CLEC16A: variants seen among roughly 807,000 people sequenced by gnomAD.
The protein encoded by CLEC16A is C-type lectin domain containing 16A, also known as protein CLEC16A.
A neutral mutation model predicts 109.5 loss-of-function variants in CLEC16A; 51 were observed. That is an observed-to-expected ratio of 0.47 (90% CI 0.37 to 0.59). CLEC16A has a LOEUF of 0.59. Among genes scored for constraint, CLEC16A ranks in the 20% least tolerant of loss-of-function variants. The pLI, the probability that CLEC16A is intolerant of heterozygous loss-of-function variation, is 0.00. For missense variants in CLEC16A, 1,339 were observed against 1,394.0 expected (o/e 0.96, Z 0.63); for synonymous variants, 673 against 564.2 (o/e 1.19, Z -2.73).
At chr16:11,148,497 C>T (rs1315564147) in intron 22 of CLEC16A, among the ~76,000 whole-genome samples, 2 of 152,170 alleles carry the variant, frequency 1.3e-5, no homozygotes, top group East Asian at 1.9e-4. Context: ...TCACTTAATC[C>T]TCACAATGAT....
intron 22 of CLEC16A, among the ~76,000 whole-genome samples, chr16:11,128,916 C>G (rs933233354): frequency 1.3e-5 from 2 of 152,214 alleles, no homozygotes; most frequent in Non-Finnish European, 2.9e-5. Context: ...TGGGATCATT[C>G]TAGTACTTAA....
intron 22 of CLEC16A, among the ~76,000 whole-genome samples, chr16:11,162,279 C>A (rs1258609849): frequency 1.3e-5 from 2 of 152,188 alleles, no homozygotes; most frequent in Admixed American, 6.5e-5. Flanking sequence ...AGTTTCCCCC[C>A]ACTGTTGGAG....
At chr16:11,032,669 G>A (rs2046811435) in intron 13 of CLEC16A, among the ~76,000 whole-genome samples, 1 of 152,214 alleles carries the variant, frequency 6.6e-6, no homozygotes, top group Admixed American at 6.5e-5. Context: ...CTCCTCTGAG[G>A]AAGGACCAGC....
chr16:11,081,290 A>C (rs2049700912), intron 19 of CLEC16A, among the ~76,000 whole-genome samples: 1 of 152,154 alleles, frequency 6.6e-6, no homozygotes, highest in African/African-American at 2.4e-5. Context: ...TGTTGGTACA[A>C]GTTAAAATTC....
chr16:10,985,816 A>C (rs1377515755), intron 10 of CLEC16A, among the ~76,000 whole-genome samples: 3 of 150,078 alleles, frequency 2.0e-5, no homozygotes, highest in Non-Finnish European at 4.4e-5. Flanking sequence ...CTCTGGGTTC[A>C]AGCGTCAGCC....
chr16:11,063,135 T>A (rs79443834), intron 19 of CLEC16A, among the ~76,000 whole-genome samples: 1 of 152,270 alleles, frequency 6.6e-6, no homozygotes, highest in South Asian at 2.1e-4. Context: ...GTAATGGCTG[T>A]TTGTCTTTGC....
At chr16:10,994,428 C>G (rs2044212388) in intron 10 of CLEC16A, among the ~76,000 whole-genome samples, 1 of 152,206 alleles carries the variant, frequency 6.6e-6, no homozygotes. Context: ...TGGATGAGAA[C>G]AGGTTCACTC....
At chr16:11,117,165 GT>G (rs1340968049) in intron 19 of CLEC16A, among the ~76,000 whole-genome samples, 1 of 152,230 alleles carries the variant, frequency 6.6e-6, no homozygotes, top group Non-Finnish European at 1.5e-5. Context: ...GATAGACACT[GT>G]GTACTGCCAA....
rs931196387 is a variant in CLEC16A at position 11,061,693 on chromosome 16, G to A, written c.2116+671G>A. Among the ~76,000 whole-genome samples, 41 of 152,298 alleles carry A rather than the reference G, an allele frequency of 2.7e-4. 1 individual carries two copies. The highest frequency in any genetic ancestry group is 8.4e-4 in the African/African-American group (35 of 41,550). On this transcript the variant is annotated intron_variant, in intron 19 of 23. Coordinates refer to ENST00000409790, the MANE Select transcript of CLEC16A (RefSeq NM_015226.3). Reference sequence around the variant, plus strand: ...GCAGCATGGTTTTCTGTTTCTTAACGGCATTGTGGTATATTAGGAGTCTTT... The same window carrying A: ...GCAGCATGGTTTTCTGTTTCTTAACAGCATTGTGGTATATTAGGAGTCTTT...
chr16:11,127,005 C>T (rs1210545942), intron 22 of CLEC16A, among the ~76,000 whole-genome samples: 2 of 152,190 alleles, frequency 1.3e-5, no homozygotes, highest in Non-Finnish European at 2.9e-5. Context: ...ATTTTAGTTT[C>T]ATTGTTTGAT....
chr16:10,951,721 A>G (rs2041742930), intron 1 of CLEC16A, among the ~76,000 whole-genome samples: 1 of 152,254 alleles, frequency 6.6e-6, no homozygotes, highest in South Asian at 2.1e-4. Context: ...TTGTCATTCT[A>G]ACAGTGGTTA....
chr16:10,997,625 C>CTAGTGCTGGTAATATCTAAA (rs1184767933), intron 10 of CLEC16A, among the ~76,000 whole-genome samples: 2 of 152,186 alleles, frequency 1.3e-5, no homozygotes, highest in Non-Finnish European at 2.9e-5. Context: ...ATAAAAGTTT[C>CTAGTGCTGGTAATATCTAAA]TAGTGCTGGT....
At chr16:11,067,895 G>T (rs947282243) in intron 19 of CLEC16A, among the ~76,000 whole-genome samples, 7 of 152,240 alleles carry the variant, frequency 4.6e-5, no homozygotes, top group African/African-American at 1.7e-4. Flanking sequence ...GGTCCATCCA[G>T]TTGGATCCGG....
chr16:11,135,785 G>A (rs1461959959), intron 22 of CLEC16A, among the ~76,000 whole-genome samples: 5 of 152,252 alleles, frequency 3.3e-5, no homozygotes, highest in African/African-American at 9.6e-5. Flanking sequence ...CAGCCATGCC[G>A]GCAGCACAGC....
intron 19 of CLEC16A, among the ~76,000 whole-genome samples, chr16:11,088,730 C>A (rs564164467): frequency 5.9e-5 from 9 of 152,220 alleles, no homozygotes; most frequent in Non-Finnish European, 7.3e-5. Context: ...AAAACCTTAG[C>A]ATTGGCTGGA....
intron 18 of CLEC16A, among the ~76,000 whole-genome samples, chr16:11,059,580 C>G (rs966331709): frequency 6.6e-6 from 1 of 152,140 alleles, no homozygotes; most frequent in Non-Finnish European, 1.5e-5. Flanking sequence ...TAATTTGGCC[C>G]CTTTCTAGTT....
chr16:11,085,112 G>A (rs1410258386), intron 19 of CLEC16A, among the ~76,000 whole-genome samples: 2 of 152,242 alleles, frequency 1.3e-5, no homozygotes. Flanking sequence ...GTTGTCTGAA[G>A]GGTTGAAAGG....
intron 11 of CLEC16A, among the ~76,000 whole-genome samples, chr16:11,019,067 T>C (rs564258713): frequency 6.6e-6 from 1 of 152,344 alleles, no homozygotes; most frequent in South Asian, 2.1e-4. Context: ...AGGCGGTGTC[T>C]GAGCCCAAGG....
intron 19 of CLEC16A, among the ~76,000 whole-genome samples, chr16:11,067,547 A>T (rs2048840759): frequency 6.6e-6 from 1 of 152,142 alleles, no homozygotes; most frequent in African/African-American, 2.4e-5. Flanking sequence ...GGTTGGCAAG[A>T]TGAGGCTGGG....
Sources: allele counts gnomAD v4.1 joint callset (sites outside exome capture counted in the v4.1 genomes callset), GRCh38; gene constraint gnomAD v4.1.1; transcripts MANE v1.5; gene names NCBI Gene and HGNC (gene_info 2026-07-23, HGNC 2026-07-21).